NIPAL2: variants seen among roughly 807,000 people sequenced by gnomAD.
NIPAL2 encodes NIPA like domain containing 2, also known as NIPA-like protein 2.
Under a neutral mutation model 48.9 loss-of-function variants are expected in NIPAL2, and 43 were observed. The observed-to-expected ratio is 0.88, with a 90% CI of 0.69 to 1.13. The LOEUF (loss-of-function observed/expected upper bound fraction) is 1.13, where lower values mean the gene tolerates loss of function less well. NIPAL2 is among the 50% of genes most tolerant of loss of function. The pLI is 0.00. For synonymous variants in NIPAL2, 167 were observed against 174.6 expected, an observed-to-expected ratio of 0.96 and a Z score of 0.34; for missense variants, 446 against 461.4, an observed-to-expected ratio of 0.97 and a Z score of 0.31.
At chr8:98,234,687 A>G (rs1323596606) in intron 4 of NIPAL2, among the ~76,000 whole-genome samples, 1 of 148,504 alleles carries the variant, frequency 6.7e-6, no homozygotes, top group African/African-American at 2.5e-5. Flanking sequence ...AGCTGGGACT[A>G]CAAGTGCATG....
intron 3 of NIPAL2, among the ~76,000 whole-genome samples, chr8:98,243,386 G>A (rs960564251): frequency 7.9e-5 from 12 of 152,112 alleles, no homozygotes; most frequent in South Asian, 2.1e-4. Context: ...GCAAGTTTCC[G>A]GTGCCTTCCA....
At chr8:98,206,409 A>G (rs1811041396) in intron 6 of NIPAL2, among the ~76,000 whole-genome samples, 1 of 152,132 alleles carries the variant, frequency 6.6e-6, no homozygotes, top group South Asian at 2.1e-4. Context: ...GCCTCCCATA[A>G]TATCGTTTTC....
chr8:98,260,063 A>G (rs1814200257), intron 1 of NIPAL2, among the ~76,000 whole-genome samples: 1 of 152,228 alleles, frequency 6.6e-6, no homozygotes, highest in Admixed American at 6.5e-5. Flanking sequence ...TGGATCACTT[A>G]CAGTGAGAAG....
At chr8:98,272,171 A>C (rs1815177627) in intron 1 of NIPAL2, among the ~76,000 whole-genome samples, 1 of 152,154 alleles carries the variant, frequency 6.6e-6, no homozygotes, top group Admixed American at 6.6e-5. Context: ...TTACCTTCTA[A>C]ATTTCCATCA....
At chr8:98,280,757 T>TAGAGAGAG (rs1225269994) in intron 1 of NIPAL2, among the ~76,000 whole-genome samples, 306 of 29,244 alleles carry the variant, frequency 0.01, 2 homozygotes, top group Admixed American at 0.022. Flanking sequence ...TATATATATA[T>TAGAGAGAG]ATATAGAGAG....
At chr8:98,252,347 A>G in intron 3 of NIPAL2, 116 bp downstream of exon 3, 1 of 972,494 alleles carries the variant, frequency 1.0e-6, no homozygotes. Context: ...TGTTAACGTG[A>G]TAAGAAACCA....
At chr8:98,284,418 TCACACACACACA>T (rs57611524) in intron 1 of NIPAL2, among the ~76,000 whole-genome samples, 1 of 146,250 alleles carries the variant, frequency 6.8e-6, no homozygotes. Context: ...TCTCTCTCTC[TCACACACACACA>T]CACACACACA....
chr8:98,294,105 G>T lies in NIPAL2; in HGVS notation c.33C>A (p.Asp11Glu). 6.7e-7 allele frequency: 1 copy of T among 1,486,828 alleles called. No individual in the cohort carries two copies. Among genetic ancestry groups the T allele is most frequent in the Non-Finnish European group, 8.9e-7 (1 of 1,118,730 alleles). 92.1% of individuals were successfully genotyped at this position (1,486,828 alleles called of 1,614,324 possible). ...GCTCGTCCAGGGCGGCCGAGGCGGA[G>T]TCCCCGGGGCCCGCGGGCGCCACCG... Reference protein sequence around the residue: MAAVAPAGPGDSASAALDELS... With the variant: MAAVAPAGPGESASAALDELS... The change falls in exon 1 of 11, where the codon GAC becomes GAA. Residue 11 changes from aspartate (D) to glutamate (E), a missense_variant. By Grantham distance (45) the Asp-to-Glu change is conservative. Transcript: ENST00000430223.
At chr8:98,274,110 C>T (rs1330978736) in intron 1 of NIPAL2, among the ~76,000 whole-genome samples, 4 of 152,110 alleles carry the variant, frequency 2.6e-5, no homozygotes, top group Admixed American at 6.5e-5. Context: ...TCAACATTTG[C>T]TTTATGACCT....
chr8:98,202,568 C>T (rs993715525), intron 8 of NIPAL2, among the ~76,000 whole-genome samples: 14 of 152,294 alleles, frequency 9.2e-5, no homozygotes, highest in South Asian at 2.1e-4. Context: ...CCCTCTCCCT[C>T]GCCCCATCTC....
rs1329424758 is a variant in NIPAL2 at position 98,224,737 on chromosome 8, ACTTT to A, written c.437-2141_437-2138del. 2.1e-5 allele frequency among the ~76,000 whole-genome samples: 3 copies of A among 141,014 alleles called. No homozygotes were observed. The Admixed American group carries it at 2.1e-4, about 10-fold the overall frequency. 92.5% of individuals were successfully genotyped at this position (141,014 alleles called of 152,430 possible). On this transcript the variant is annotated intron_variant, in intron 4 of 10. Transcript: ENST00000430223. ...AAATGGCTGATGCTTTTGCAGTTAT[ACTTT>A]CTTTCTTTCTTTTCTTTTTTTTTTT... is the stretch of plus-strand genomic sequence containing the variant.
intron 5 of NIPAL2, among the ~76,000 whole-genome samples, chr8:98,213,763 G>A (rs1811435804): frequency 6.6e-6 from 1 of 152,098 alleles, no homozygotes; most frequent in African/African-American, 2.4e-5. Context: ...ACCTCTCTGA[G>A]AGTTCTTTTC....
chr8:98,207,763 A>G (rs1049325206), intron 6 of NIPAL2, among the ~76,000 whole-genome samples: 2 of 152,220 alleles, frequency 1.3e-5, no homozygotes, highest in African/African-American at 4.8e-5. Flanking sequence ...AGGTTACAAC[A>G]TGTGAATCAT....
At chr8:98,225,266 A>T (rs1264309643) in intron 4 of NIPAL2, among the ~76,000 whole-genome samples, 2 of 152,126 alleles carry the variant, frequency 1.3e-5, no homozygotes, top group Non-Finnish European at 2.9e-5. Flanking sequence ...ATTTATATTT[A>T]TGTGATTTAC....
rs372513651 is a variant in NIPAL2 at position 98,193,054 on chromosome 8, T to C, written c.1076A>G (p.His359Arg). ...QMLDKIQPDS[H>R]SLSYGTLPDG... ...AGGCAAAGTTCCATAGGATAAGCTA[T>C]GTGAATCTGGTTGTATTTTGTCCAA... The change falls in exon 11 of 11, where the codon CAT (histidine) becomes CGT (arginine). Residue 359 changes from histidine (H) to arginine (R), a missense_variant. Physicochemically the swap from His to Arg is conservative, Grantham distance 29. Transcript: ENST00000430223. The C allele has an allele frequency of 1.2e-6, 2 of 1,614,110 alleles. No homozygotes were observed. The highest frequency in any genetic ancestry group is 8.5e-7 in the Non-Finnish European group (1 of 1,179,968).
rs11411298 is a variant in NIPAL2 at position 98,244,353 on chromosome 8, C to CT, written c.376+8109_376+8110insA. ...TAGTCTGTAATGATGAGAGGGTGGG[C>CT]GTGGTGATGAGGGGTAGTCTGTAAT... On this transcript the variant is annotated intron_variant, in intron 3 of 10. Transcript: ENST00000430223. 9.7e-3 allele frequency among the ~76,000 whole-genome samples: 224 copies of CT among 23,082 alleles called. 5 individuals are homozygous for CT. Among genetic ancestry groups the CT allele is most frequent in the Middle Eastern group, 0.016 (1 of 62 alleles). 15.1% of individuals were successfully genotyped at this position (23,082 alleles called of 152,430 possible).
At position 98,222,462 on chromosome 8, in the gene NIPAL2, A is replaced by G; in HGVS notation, c.558+17T>C. On this transcript the variant is annotated intron_variant, in intron 5 of 10. Transcript: ENST00000430223. ...ATAATATAGCTTCGGGGATAGTAAAATATTTAGAATTCTTACCACATAGAT... is the reference window on the plus strand; with the variant it reads ...ATAATATAGCTTCGGGGATAGTAAAGTATTTAGAATTCTTACCACATAGAT... 1 of 1,610,976 alleles carries G rather than the reference A, an allele frequency of 6.2e-7. No individual in the cohort carries two copies. Among genetic ancestry groups the G allele is most frequent in the Non-Finnish European group, 8.5e-7 (1 of 1,179,088 alleles).
chr8:98,258,263 G>T (rs866669808), intron 1 of NIPAL2, among the ~76,000 whole-genome samples: 11 of 152,128 alleles, frequency 7.2e-5, no homozygotes, highest in Middle Eastern at 3.2e-3. Context: ...TGTTTAATGG[G>T]TATAAAGCTG....
chr8:98,214,291 G>A (rs10093678), intron 5 of NIPAL2, among the ~76,000 whole-genome samples: 47,099 of 151,358 alleles, frequency 0.31, 8,306 homozygotes, highest in South Asian at 0.51. Context: ...AAACTTCCAA[G>A]TAGCTGGGAT....
Sources: gnomAD v4.1 joint callset for allele counts (sites outside exome capture counted in the v4.1 genomes callset) on GRCh38, gnomAD v4.1.1 for gene constraint, MANE v1.5 for transcripts, NCBI Gene and HGNC (gene_info 2026-07-23, HGNC 2026-07-21) for gene names.